Variants in PDLIM5 observed in about 807,000 individuals in gnomAD.
PDLIM5 encodes PDZ and LIM domain protein 5.
PDLIM5 carries 34 observed loss-of-function variants against 64.2 expected under a neutral mutation model. The ratio of observed to expected loss-of-function variants is 0.53; its 90% confidence interval spans 0.40 to 0.71. The LOEUF (loss-of-function observed/expected upper bound fraction) is 0.71. Ranked by LOEUF, PDLIM5 falls within the 30% of genes least tolerant of loss-of-function variation. The probability of loss-of-function intolerance (pLI) is 0.00; values close to 1 mark genes in which losing one functional copy is unlikely to be tolerated. For synonymous variants in PDLIM5, 253 were observed against 269.1 expected, an observed-to-expected ratio of 0.94 and a Z score of 0.59; for missense variants, 683 against 733.6, an observed-to-expected ratio of 0.93 and a Z score of 0.80.
intron 2 of PDLIM5, among the ~76,000 whole-genome samples, chr4:94,515,764 C>T (rs1047446378): frequency 3.3e-5 from 5 of 152,170 alleles, no homozygotes; most frequent in African/African-American, 1.2e-4. Context: ...TTAATCCATT[C>T]CCAGGTATGC....
chr4:94,577,118 A>G (rs1735336090), intron 5 of PDLIM5: 2 of 441,988 alleles, frequency 4.5e-6, no homozygotes, highest in Admixed American at 5.1e-5. Flanking sequence ...ATTTATGTAA[A>G]ATCATTTTTA....
chr4:94,483,757 T>C (rs1726075317), intron 2 of PDLIM5, among the ~76,000 whole-genome samples: 1 of 152,220 alleles, frequency 6.6e-6, no homozygotes. Context: ...ATTTGCTTAC[T>C]ACTTTCATGA....
chr4:94,643,563 A>T (rs1338910811), intron 9 of PDLIM5, among the ~76,000 whole-genome samples: 1 of 152,164 alleles, frequency 6.6e-6, no homozygotes, highest in Non-Finnish European at 1.5e-5. Context: ...GACCATTTGT[A>T]TTACATGGAG....
chr4:94,614,173 G>A (rs1299539713), intron 7 of PDLIM5, among the ~76,000 whole-genome samples: 1 of 152,178 alleles, frequency 6.6e-6, no homozygotes. Context: ...ACATTGTCCA[G>A]GATGGTCTCC....
chr4:94,468,042 C>T (rs6843496), intron 2 of PDLIM5, among the ~76,000 whole-genome samples: 19,821 of 152,170 alleles, frequency 0.13, 2,675 homozygotes, highest in African/African-American at 0.35. Context: ...ATGTTAAGAC[C>T]AATGCAAAGT....
At chr4:94,454,590 C>T (rs1723158169) in intron 1 of PDLIM5, among the ~76,000 whole-genome samples, 1 of 152,140 alleles carries the variant, frequency 6.6e-6, no homozygotes, top group African/African-American at 2.4e-5. Flanking sequence ...CATCACTGTA[C>T]TAGAGTATTG....
intron 3 of PDLIM5, among the ~76,000 whole-genome samples, chr4:94,539,468 C>T (rs1335060852): frequency 6.6e-6 from 1 of 152,080 alleles, no homozygotes; most frequent in African/African-American, 2.4e-5. Context: ...TTCTTCCTCT[C>T]TTCTGTAGGC....
intron 7 of PDLIM5, among the ~76,000 whole-genome samples, chr4:94,602,579 A>T (rs1737588881): frequency 6.6e-6 from 1 of 152,058 alleles, no homozygotes; most frequent in Admixed American, 6.6e-5. Flanking sequence ...CAGCCTCCCG[A>T]GTAGCTGGGA....
At chr4:94,627,148 TTAAAC>T (rs1178298395) in intron 8 of PDLIM5, among the ~76,000 whole-genome samples, 1 of 152,210 alleles carries the variant, frequency 6.6e-6, no homozygotes, top group Non-Finnish European at 1.5e-5. Context: ...TTTGACATCA[TTAAAC>T]TAAACAGCCC....
rs758947064 is a variant in PDLIM5, at chr4:94,586,456, A to C, written c.920+12A>C. On this transcript the variant is annotated intron_variant, in intron 7 of 12. Coordinates refer to ENST00000317968, the MANE Select transcript of PDLIM5 (RefSeq NM_006457.5). ...ACAAAGAAGGCAAAGTAAGTTCTCT[A>C]TCTTTTTGACAATTGAATGTTTTCC... 4 of 1,485,230 alleles carry C rather than the reference A, an allele frequency of 2.7e-6. No individual in the cohort carries two copies. Among genetic ancestry groups the C allele is most frequent in the Non-Finnish European group, 3.7e-6 (4 of 1,067,656 alleles). 92.0% of individuals were successfully genotyped at this position (1,485,230 alleles called of 1,614,324 possible).
At chr4:94,616,568 T>A (rs1029864070) in intron 7 of PDLIM5, among the ~76,000 whole-genome samples, 3 of 152,194 alleles carry the variant, frequency 2.0e-5, no homozygotes, top group Non-Finnish European at 4.4e-5. Flanking sequence ...TTAATGCTTT[T>A]TGTTGTGTTG....
intron 2 of PDLIM5, among the ~76,000 whole-genome samples, chr4:94,469,702 C>T (rs1724677854): frequency 6.6e-6 from 1 of 152,156 alleles, no homozygotes; most frequent in Middle Eastern, 3.4e-3. Flanking sequence ...GAGTGGGTTA[C>T]TATTATGGTG....
intron 9 of PDLIM5, among the ~76,000 whole-genome samples, chr4:94,651,346 T>TAGAA (rs1445794093): frequency 6.6e-6 from 1 of 152,170 alleles, no homozygotes; most frequent in Non-Finnish European, 1.5e-5. Flanking sequence ...GCAGTGGGAA[T>TAGAA]TTCTTTACTG....
chr4:94,528,423 T>C (rs1730565841), intron 3 of PDLIM5, among the ~76,000 whole-genome samples: 2 of 152,184 alleles, frequency 1.3e-5, no homozygotes, highest in African/African-American at 4.8e-5. Context: ...TAGTCATACC[T>C]AGCACTGCCT....
chr4:94,621,108 A>ATT (rs1025903348), intron 8 of PDLIM5, among the ~76,000 whole-genome samples: 5 of 140,422 alleles, frequency 3.6e-5, no homozygotes, highest in Non-Finnish European at 7.7e-5. Context: ...AGCTAGAAGT[A>ATT]TTTCTATTGT....
intron 2 of PDLIM5, among the ~76,000 whole-genome samples, chr4:94,510,022 A>G (rs904389874): frequency 6.6e-6 from 1 of 152,176 alleles, no homozygotes; most frequent in African/African-American, 2.4e-5. Context: ...GTTCATTCTT[A>G]CAGTCATCAG....
At chr4:94,538,077 T>G (rs182416868) in intron 3 of PDLIM5, among the ~76,000 whole-genome samples, 1 of 152,308 alleles carries the variant, frequency 6.6e-6, no homozygotes, top group African/African-American at 2.4e-5. Flanking sequence ...TCAACCCTGT[T>G]AAGAGTATTA....
At chr4:94,589,528 T>C (rs1462186914) in intron 7 of PDLIM5, among the ~76,000 whole-genome samples, 1 of 152,192 alleles carries the variant, frequency 6.6e-6, no homozygotes, top group Non-Finnish European at 1.5e-5. Context: ...TGGGACATTT[T>C]ATATTCCTAG....
chr4:94,464,897 G>A (rs1724216310), intron 2 of PDLIM5, among the ~76,000 whole-genome samples: 1 of 152,118 alleles, frequency 6.6e-6, no homozygotes. Flanking sequence ...CTTCAGGCTG[G>A]TTCCTTATCC....
Sources: allele counts gnomAD v4.1 joint callset (sites outside exome capture counted in the v4.1 genomes callset), GRCh38; gene constraint gnomAD v4.1.1; transcripts MANE v1.5; gene names NCBI Gene and HGNC (gene_info 2026-07-23, HGNC 2026-07-21).